HSF2BP: variants seen among roughly 807,000 people sequenced by gnomAD.
The protein encoded by HSF2BP is heat shock transcription factor 2 binding protein, also known as heat shock factor 2-binding protein.
In HSF2BP, 35 loss-of-function variants were observed where a neutral mutation model predicts 35.0. That is an observed-to-expected ratio of 1.00 (90% CI 0.76 to 1.32). The LOEUF is 1.32. HSF2BP is among the 40% of genes most tolerant of loss of function. The pLI is 0.00. For synonymous variants in HSF2BP, 114 were observed against 117.4 expected (o/e 0.97, Z 0.18); for missense variants, 326 against 321.7 (o/e 1.01, Z -0.10).
chr21:43,619,232 C>A (rs551585568), intron 6 of HSF2BP, among the ~76,000 whole-genome samples: 19 of 152,304 alleles, frequency 1.2e-4, no homozygotes, highest in Middle Eastern at 6.8e-3. Context: ...TAATCTGGAA[C>A]CAAACCTACG....
chr21:43,627,551 A>C (rs915414276), intron 6 of HSF2BP, among the ~76,000 whole-genome samples: 2 of 152,196 alleles, frequency 1.3e-5, no homozygotes, highest in African/African-American at 4.8e-5. Context: ...GATTTTCCAA[A>C]ATAAACATAC....
intron 3 of HSF2BP, among the ~76,000 whole-genome samples, chr21:43,655,697 T>A (rs2082857920): frequency 6.6e-6 from 1 of 152,112 alleles, no homozygotes; most frequent in Non-Finnish European, 1.5e-5. Context: ...GAGAGCCCCA[T>A]CTGTAGGGAT....
At chr21:43,634,146 A>G (rs947284261) in intron 4 of HSF2BP, among the ~76,000 whole-genome samples, 35 of 152,162 alleles carry the variant, frequency 2.3e-4, no homozygotes, top group African/African-American at 8.4e-4. Context: ...AAGAAGATGG[A>G]GGCTAGGAAG....
At chr21:43,593,125 G>A (rs920156372) in intron 7 of HSF2BP, among the ~76,000 whole-genome samples, 6 of 152,192 alleles carry the variant, frequency 3.9e-5, no homozygotes, top group African/African-American at 1.4e-4. Context: ...TGCAAAAGAT[G>A]CTACAATTCC....
intron 8 of HSF2BP, among the ~76,000 whole-genome samples, chr21:43,577,527 C>A (rs1053602785): frequency 6.6e-6 from 1 of 152,210 alleles, no homozygotes; most frequent in African/African-American, 2.4e-5. Flanking sequence ...CCTGCCCCAA[C>A]AGCATCAACT....
chr21:43,644,046 T>C (rs1341126262), intron 4 of HSF2BP, among the ~76,000 whole-genome samples: 1 of 152,212 alleles, frequency 6.6e-6, no homozygotes, highest in African/African-American at 2.4e-5. Flanking sequence ...TGAACCTTTA[T>C]GTTGTAGGGC....
At chr21:43,595,681 A>C (rs2081975985) in intron 7 of HSF2BP, among the ~76,000 whole-genome samples, 1 of 148,468 alleles carries the variant, frequency 6.7e-6, no homozygotes, top group Non-Finnish European at 1.5e-5. Flanking sequence ...AAAAATAATA[A>C]TAATGTTAAA....
chr21:43,600,575 T>C (rs1268561025), intron 7 of HSF2BP, among the ~76,000 whole-genome samples: 2 of 152,196 alleles, frequency 1.3e-5, no homozygotes, highest in Admixed American at 1.3e-4. Flanking sequence ...CAGAGTACAG[T>C]AAGTAATGAC....
At chr21:43,656,440 T>G in intron 3 of HSF2BP, 147 bp downstream of exon 3, 1 of 778,220 alleles carries the variant, frequency 1.3e-6, no homozygotes, top group Non-Finnish European at 2.0e-6. Flanking sequence ...TGAGGAAACC[T>G]CCCTTTCTTA....
At chr21:43,581,939 GGATGAGGGTCTGCTGTGGGA>G (rs1568884484) in intron 8 of HSF2BP, among the ~76,000 whole-genome samples, 1 of 122,370 alleles carries the variant, frequency 8.2e-6, no homozygotes, top group African/African-American at 3.5e-5. Flanking sequence ...CTGCCGTGGG[GGATGAGGGTCTGCTGTGGGA>G]GATGAGGGCC....
chr21:43,644,639 T>C (rs60365395), intron 3 of HSF2BP, among the ~76,000 whole-genome samples: 3,840 of 152,300 alleles, frequency 0.025, 50 homozygotes, highest in Middle Eastern at 0.065. Context: ...GTTTTTAAGG[T>C]TTCACTTTAC....
chr21:43,657,971 G>A, intron 2 of HSF2BP, 90 bp downstream of exon 2: 2 of 1,526,716 alleles, frequency 1.3e-6, no homozygotes, highest in East Asian at 2.5e-5. Context: ...GCGACAGCGA[G>A]CCGTCTCCGA....
Position 43,658,050 on chromosome 21 carries a change from T to C in HSF2BP, c.36+11A>G, listed in dbSNP as rs1457262224. The C allele has an allele frequency of 6.5e-7, 1 of 1,535,940 alleles. No homozygotes were observed. On this transcript the variant is annotated intron_variant, in intron 2 of 8. Coordinates refer to ENST00000291560, the MANE Select transcript of HSF2BP (RefSeq NM_007031.2). Reference sequence around the variant, plus strand: ...AAACACGCTGGCGTCGGCCAGGGCTTCCTCACTAACCCGGCAGGCCTCCTC... The same window carrying C: ...AAACACGCTGGCGTCGGCCAGGGCTCCCTCACTAACCCGGCAGGCCTCCTC...
Position 43,658,055 on chromosome 21 carries a change from A to C in HSF2BP, c.36+6T>G. The C allele has an allele frequency of 6.5e-7, 1 of 1,535,878 alleles. No homozygotes were observed. The highest frequency in any genetic ancestry group is 8.7e-7 in the Non-Finnish European group (1 of 1,146,282). On this transcript the variant is annotated splice_donor_region_variant and intron_variant, in intron 2 of 8. Coordinates refer to ENST00000291560, the MANE Select transcript of HSF2BP (RefSeq NM_007031.2). ...CGCTGGCGTCGGCCAGGGCTTCCTC[A>C]CTAACCCGGCAGGCCTCCTCAGCGG...
rs554244622 is a variant in HSF2BP, at chr21:43,652,872, A to G, written c.187+3715T>C. ...GGCATCAGGCCAGGCGCAGTGGCTC[A>G]TAACTGTAATCCAGTGCTTTGGGAG... On this transcript the variant is annotated intron_variant, in intron 3 of 8. Transcript: ENST00000291560. Among the ~76,000 whole-genome samples, 15 of 152,112 alleles carry G rather than the reference A, an allele frequency of 9.9e-5. No homozygotes were observed. In the South Asian group the frequency reaches 3.1e-3, roughly 32 times the overall value.
intron 8 of HSF2BP, among the ~76,000 whole-genome samples, chr21:43,591,187 A>G (rs2081921547): frequency 1.3e-5 from 2 of 152,258 alleles, no homozygotes; most frequent in Non-Finnish European, 2.9e-5. Context: ...AAATTGGGAC[A>G]GAACTTTAGG....
At chr21:43,607,204 C>A (rs1052571741) in intron 7 of HSF2BP, among the ~76,000 whole-genome samples, 32 of 151,800 alleles carry the variant, frequency 2.1e-4, no homozygotes, top group Non-Finnish European at 1.5e-5. Flanking sequence ...GCAGGAGAAT[C>A]GCTTGAGATC....
intron 7 of HSF2BP, among the ~76,000 whole-genome samples, chr21:43,600,545 C>T (rs986039498): frequency 6.6e-6 from 1 of 152,096 alleles, no homozygotes; most frequent in Non-Finnish European, 1.5e-5. Context: ...ACTTAAGAGG[C>T]CTACCAATTT....
chr21:43,590,953 T>C (rs1012985126), intron 8 of HSF2BP, among the ~76,000 whole-genome samples: 14 of 152,226 alleles, frequency 9.2e-5, no homozygotes, highest in African/African-American at 3.4e-4. Flanking sequence ...TGGACATTTA[T>C]ATCAATACTT....
Sources: allele counts gnomAD v4.1 joint callset (sites outside exome capture counted in the v4.1 genomes callset), GRCh38; gene constraint gnomAD v4.1.1; transcripts MANE v1.5; gene names NCBI Gene and HGNC (gene_info 2026-07-23, HGNC 2026-07-21).